Variants in USP10 observed in about 807,000 individuals in gnomAD.
USP10 encodes ubiquitin specific peptidase 10.
In USP10, 22 loss-of-function variants were observed where a neutral mutation model predicts 84.5. That is an observed-to-expected ratio of 0.26 (90% CI 0.19 to 0.37). The LOEUF is 0.37. USP10 is among the 10% of genes least tolerant of loss of function. The probability of loss-of-function intolerance (pLI) is 1.00; values close to 1 mark genes in which losing one functional copy is unlikely to be tolerated. For missense variants in USP10, 1,019 were observed against 998.9 expected (o/e 1.02, Z -0.27); for synonymous variants, 454 against 387.6 (o/e 1.17, Z -2.01).
intron 1 of USP10, among the ~76,000 whole-genome samples, chr16:84,731,666 T>C (rs1341948046): frequency 6.6e-6 from 1 of 152,228 alleles, no homozygotes; most frequent in East Asian, 1.9e-4. Context: ...CCCCATTGCC[T>C]TCCATAGCCT....
chr16:84,717,174 G>A (rs1020346591), intron 1 of USP10, among the ~76,000 whole-genome samples: 6 of 152,090 alleles, frequency 3.9e-5, no homozygotes, highest in Non-Finnish European at 5.9e-5. Context: ...GTAGCAGGTC[G>A]TATTGGGCTT....
chr16:84,766,712 T>C (rs549941895), intron 10 of USP10, among the ~76,000 whole-genome samples: 5 of 152,300 alleles, frequency 3.3e-5, no homozygotes, highest in South Asian at 2.1e-4. Context: ...CTGGCTCAGA[T>C]TGAACAGCTC....
Position 84,745,212 on chromosome 16 carries a change from G to C in USP10, c.731G>C (p.Gly244Ala). The C allele has an allele frequency of 6.2e-7, 1 of 1,613,154 alleles. No homozygotes were observed. ...SDTRTAGQPEGGPGADFGQSC... is the reference protein window; with the variant it reads ...SDTRTAGQPEAGPGADFGQSC... ...ACCAGGACTGCAGGGCAGCCAGAGG[G>C]GGGCCCCGGGGCTGATTTTGGTCAG... is the stretch of plus-strand genomic sequence containing the variant. Residue 244 changes from glycine to alanine, a missense_variant, in exon 4 of 14, where the codon GGG (glycine) becomes GCG (alanine). Around this residue, in one of 2 missense-constraint regions of USP10, gnomAD observed 787 missense variants for 708.8 expected, o/e 1.11. Coordinates refer to ENST00000219473, the MANE Select transcript of USP10 (RefSeq NM_005153.3).
At chr16:84,730,895 C>T (rs1394681176) in intron 1 of USP10, among the ~76,000 whole-genome samples, 1 of 151,498 alleles carries the variant, frequency 6.6e-6, no homozygotes, top group East Asian at 1.9e-4. Flanking sequence ...CCTTAGGTAT[C>T]TTCCCCACAT....
intron 1 of USP10, among the ~76,000 whole-genome samples, chr16:84,711,363 C>T (rs1171076612): frequency 1.3e-5 from 2 of 152,200 alleles, no homozygotes; most frequent in Non-Finnish European, 2.9e-5. Flanking sequence ...GGGATCAGCA[C>T]ACTCCCCCAC....
At chr16:84,735,671 A>C (rs116476938) in intron 2 of USP10, among the ~76,000 whole-genome samples, 1,613 of 152,304 alleles carry the variant, frequency 0.011, 21 homozygotes, top group African/African-American at 0.036. Context: ...AAGTTATGCC[A>C]AACCTTTTAT....
chr16:84,775,072 C>G, intron 12 of USP10, 88 bp from the exon 13 acceptor site: 1 of 1,141,112 alleles, frequency 8.8e-7, no homozygotes, highest in South Asian at 1.2e-5. Flanking sequence ...AGTTTACTTG[C>G]TGGGGAGAAT....
chr16:84,760,927 A>C (rs769436378), intron 8 of USP10, among the ~76,000 whole-genome samples: 5 of 152,218 alleles, frequency 3.3e-5, no homozygotes, highest in Admixed American at 6.5e-5. Flanking sequence ...TTCAGAGAGA[A>C]AAATAGTTGA....
chr16:84,776,071 T>G (rs954003528), intron 13 of USP10, among the ~76,000 whole-genome samples: 1 of 152,232 alleles, frequency 6.6e-6, no homozygotes, highest in Non-Finnish European at 1.5e-5. Flanking sequence ...CACACATGTA[T>G]TGAACCTCTT....
rs541254650 is a variant in USP10, at chr16:84,722,802, C to T, written c.22-10633C>T. On this transcript the variant is annotated intron_variant, in intron 1 of 13. Coordinates refer to ENST00000219473, the MANE Select transcript of USP10 (RefSeq NM_005153.3). ...ACTCCCTAACCTCAAGTGATTTGTC[C>T]GCCTCGGCCTCCCAAAGTGCTGGGA... Among the ~76,000 whole-genome samples, 28 of 152,190 alleles carry T rather than the reference C, an allele frequency of 1.8e-4. No individual in the cohort carries two copies. In the South Asian group the frequency reaches 2.7e-3, roughly 15 times the overall value.
chr16:84,761,227 C>T (rs1401225573), intron 8 of USP10, among the ~76,000 whole-genome samples: 1 of 152,154 alleles, frequency 6.6e-6, no homozygotes, highest in African/African-American at 2.4e-5. Context: ...CCTTAGAACC[C>T]AGAGGGGCCC....
Position 84,710,268 on chromosome 16 carries a change from G to A in USP10, c.21+10157G>A, listed in dbSNP as rs867580046. Reference sequence around the variant, plus strand: ...TGGGCAACAGAGCAGACTCCATCTCGGAAAAAAAAAAAAAAAAAAGATTGC... The same window carrying A: ...TGGGCAACAGAGCAGACTCCATCTCAGAAAAAAAAAAAAAAAAAAGATTGC... On this transcript the variant is annotated intron_variant, in intron 1 of 13. Transcript: ENST00000219473. Among the ~76,000 whole-genome samples, 29 of 143,480 alleles carry A rather than the reference G, an allele frequency of 2.0e-4. 1 individual carries two copies. The Middle Eastern group carries it at 0.011, about 52-fold the overall frequency. 94.1% of individuals were successfully genotyped at this position (143,480 alleles called of 152,430 possible). A position where few individuals can be genotyped will look rare whatever the true frequency, so the allele number is the denominator to read the frequency against.
intron 1 of USP10, among the ~76,000 whole-genome samples, chr16:84,721,403 G>C (rs983279787): frequency 6.6e-6 from 1 of 152,218 alleles, no homozygotes; most frequent in Non-Finnish European, 1.5e-5. Context: ...GTCTTCAAGA[G>C]CTTTGATTAT....
Position 84,768,274 on chromosome 16 carries a change from C to A in USP10, c.1914C>A (p.Asp638Glu), listed in dbSNP as rs1191753193. 2.5e-6 allele frequency: 4 copies of A among 1,607,114 alleles called. No individual in the cohort carries two copies. The highest frequency in any genetic ancestry group is 3.4e-6 in the Non-Finnish European group (4 of 1,176,588). The change falls in exon 11 of 14, where the codon GAC becomes GAA. Residue 638 changes from aspartate to glutamate, a missense_variant. Physicochemically the swap from Asp to Glu is conservative, Grantham distance 45 (BLOSUM62 2). Coordinates refer to ENST00000219473, the MANE Select transcript of USP10 (RefSeq NM_005153.3). ...CGTTGCAGTTGGATATCCAGTCAGACAAGATACGCACAGTCCAGGATGCAC... is the reference window on the plus strand; with the variant it reads ...CGTTGCAGTTGGATATCCAGTCAGAAAAGATACGCACAGTCCAGGATGCAC... ...FFTLQLDIQS[D>E]KIRTVQDALE...
chr16:84,749,814 A>G (rs562922760), intron 4 of USP10, among the ~76,000 whole-genome samples: 4 of 152,290 alleles, frequency 2.6e-5, no homozygotes, highest in South Asian at 4.2e-4. Context: ...CTCTTAAACT[A>G]TCCACTTTAA....
intron 1 of USP10, among the ~76,000 whole-genome samples, chr16:84,721,917 T>C (rs922182699): frequency 2.6e-5 from 4 of 152,232 alleles, no homozygotes; most frequent in African/African-American, 9.6e-5. Flanking sequence ...AGGCTGATCT[T>C]GAACTCCTCT....
At position 84,718,641 on chromosome 16, in the gene USP10, C is replaced by T. The variant is rs185693909; in HGVS notation, c.22-14794C>T. Among the ~76,000 whole-genome samples the T allele has an allele frequency of 9.2e-3, 1,398 of 151,966 alleles. 8 individuals carry two copies. Among genetic ancestry groups the T allele is most frequent in the Non-Finnish European group, 0.011 (772 of 67,954 alleles). ...ACATCGTGGCACATGCCTGTAATAC[C>T]AGCTACTCGGAGGCTGAGGCAGGAG... On this transcript the variant is annotated intron_variant, in intron 1 of 13. Transcript: ENST00000219473.
At chr16:84,758,841 T>C (rs1340750119) in intron 5 of USP10, 34 bp downstream of exon 5, 1 of 1,490,560 alleles carries the variant, frequency 6.7e-7, no homozygotes, top group Non-Finnish European at 9.4e-7. Context: ...CAAGGCCAGC[T>C]TGTTGCAGCT....
intron 1 of USP10, among the ~76,000 whole-genome samples, chr16:84,711,351 A>G (rs545838511): frequency 1.2e-4 from 18 of 152,306 alleles, no homozygotes; most frequent in Admixed American, 9.8e-4. Context: ...TGTGGACAGC[A>G]TGGGATCAGC....
Sources: gnomAD v4.1 joint callset for allele counts (sites outside exome capture counted in the v4.1 genomes callset) on GRCh38, gnomAD v4.1.1 for gene constraint, gnomAD v4.1.1 regional missense constraint, MANE v1.5 for transcripts, NCBI Gene and HGNC (gene_info 2026-07-23, HGNC 2026-07-21) for gene names.